The following PLCB1 variants were observed in gnomAD, a reference collection of about 807,000 sequenced individuals.
PLCB1 encodes the protein phospholipase C beta 1, also known as 1-phosphatidylinositol 4,5-bisphosphate phosphodiesterase beta-1.
PLCB1 carries 46 observed loss-of-function variants against 161.8 expected under a neutral mutation model. That is an observed-to-expected ratio of 0.28 (90% CI 0.22 to 0.36). The LOEUF is 0.36. PLCB1 is among the 10% of genes least tolerant of loss of function. The pLI is 1.00. For missense variants in PLCB1, 1,016 were observed against 1,472.5 expected, an observed-to-expected ratio of 0.69 and a Z score of 5.07; for synonymous variants, 517 against 503.7, an observed-to-expected ratio of 1.03 and a Z score of -0.35.
At chr20:8,349,539 G>A (rs924795985) in intron 2 of PLCB1, among the ~76,000 whole-genome samples, 1 of 152,196 alleles carries the variant, frequency 6.6e-6, no homozygotes, top group Non-Finnish European at 1.5e-5. Flanking sequence ...GGTCAAAGGA[G>A]CTGTCTGAAT....
chr20:8,232,716 A>G (rs578003967), intron 2 of PLCB1, among the ~76,000 whole-genome samples: 21 of 152,190 alleles, frequency 1.4e-4, no homozygotes, highest in African/African-American at 5.1e-4. Flanking sequence ...GTGTTACCTG[A>G]TATGTCTTTA....
At chr20:8,524,158 A>G (rs1310855184) in intron 3 of PLCB1, among the ~76,000 whole-genome samples, 1 of 152,234 alleles carries the variant, frequency 6.6e-6, no homozygotes, top group Non-Finnish European at 1.5e-5. Context: ...TTGTTATTAA[A>G]TACATTTACA....
intron 3 of PLCB1, among the ~76,000 whole-genome samples, chr20:8,422,006 T>G (rs1200624711): frequency 6.6e-6 from 1 of 152,224 alleles, no homozygotes; most frequent in Non-Finnish European, 1.5e-5. Flanking sequence ...TACAGGCAAG[T>G]TGTACCTGCA....
chr20:8,783,041 G>T (rs764893296), intron 27 of PLCB1, among the ~76,000 whole-genome samples: 1 of 152,182 alleles, frequency 6.6e-6, no homozygotes, highest in African/African-American at 2.4e-5. Context: ...GAGAACAAGC[G>T]TGAAGTTTTA....
At chr20:8,859,991 G>A (rs1987200438) in intron 31 of PLCB1, among the ~76,000 whole-genome samples, 1 of 152,112 alleles carries the variant, frequency 6.6e-6, no homozygotes, top group Admixed American at 6.5e-5. Context: ...TGGGCTTTTT[G>A]TTAAAGCCTG....
chr20:8,342,949 C>A (rs1006494159), intron 2 of PLCB1, among the ~76,000 whole-genome samples: 5 of 152,090 alleles, frequency 3.3e-5, no homozygotes, highest in African/African-American at 1.2e-4. Flanking sequence ...CCAATAAATC[C>A]CATCCACATG....
chr20:8,860,858 A>G (rs1440949510), intron 31 of PLCB1, among the ~76,000 whole-genome samples: 4 of 152,136 alleles, frequency 2.6e-5, no homozygotes, highest in African/African-American at 7.2e-5. Flanking sequence ...AGTAATTTCA[A>G]TCAGTTTTTT....
intron 2 of PLCB1, among the ~76,000 whole-genome samples, chr20:8,241,350 G>C (rs139438743): frequency 0.018 from 2,770 of 151,994 alleles, 82 homozygotes; most frequent in African/African-American, 0.063. Flanking sequence ...TCCTGGCTAA[G>C]CATTTGGTTA....
chr20:8,620,747 C>CAAAAAAAAAAAA (rs779029928), intron 3 of PLCB1, among the ~76,000 whole-genome samples: 1 of 75,240 alleles, frequency 1.3e-5, no homozygotes, highest in Non-Finnish European at 2.6e-5. Flanking sequence ...CTGCCCCCAC[C>CAAAAAAAAAAAA]AAAAAAAAAA....
chr20:8,623,902 A>G (rs1427651768), intron 3 of PLCB1: 1 of 152,208 alleles, frequency 6.6e-6, no homozygotes, highest in African/African-American at 2.4e-5. Flanking sequence ...TATAAAAGAA[A>G]GAAACCTTGA....
At chr20:8,605,614 T>C (rs575933903) in intron 3 of PLCB1, among the ~76,000 whole-genome samples, 17 of 150,916 alleles carry the variant, frequency 1.1e-4, no homozygotes, top group East Asian at 1.9e-4. Flanking sequence ...TGTTTTCTTT[T>C]TTTTTTTTTT....
At chr20:8,564,393 C>G (rs1156430064) in intron 3 of PLCB1, among the ~76,000 whole-genome samples, 1 of 152,094 alleles carries the variant, frequency 6.6e-6, no homozygotes, top group South Asian at 2.1e-4. Context: ...TAGAAGAAAA[C>G]CTAGGCAATA....
chr20:8,528,433 A>G lies in PLCB1; in HGVS notation c.247-99861A>G, dbSNP rs536995982. ...GCCAGACACAAAAGTTATTCCATTC[A>G]TAACAGGTTACATTCTAAGTTATTC... On this transcript the variant is annotated intron_variant, in intron 3 of 31. Transcript: ENST00000338037. 2.0e-5 allele frequency among the ~76,000 whole-genome samples: 3 copies of G among 152,226 alleles called. No individual in the cohort carries two copies. In the East Asian group the frequency reaches 5.8e-4, roughly 29 times the overall value.
chr20:8,441,307 G>A (rs1402701948), intron 3 of PLCB1, among the ~76,000 whole-genome samples: 1 of 152,094 alleles, frequency 6.6e-6, no homozygotes, highest in Non-Finnish European at 1.5e-5. Flanking sequence ...ACCATAATAG[G>A]ATACTTACAG....
At chr20:8,649,270 T>G in intron 6 of PLCB1, 104 bp from the exon 7 acceptor site, 3 of 702,736 alleles carry the variant, frequency 4.3e-6, no homozygotes, top group Non-Finnish European at 7.6e-6. Context: ...ATATGAATAA[T>G]AAATAGATTT....
intron 31 of PLCB1, among the ~76,000 whole-genome samples, chr20:8,879,974 A>G (rs1987913923): frequency 6.6e-6 from 1 of 152,182 alleles, no homozygotes; most frequent in African/African-American, 2.4e-5. Flanking sequence ...AAAGCAGATT[A>G]ACCACCTTGG....
At chr20:8,641,307 A>T (rs1260747706) in intron 4 of PLCB1, among the ~76,000 whole-genome samples, 1 of 152,252 alleles carries the variant, frequency 6.6e-6, no homozygotes. Context: ...ATTGAAACTT[A>T]TAACAATAGA....
intron 3 of PLCB1, among the ~76,000 whole-genome samples, chr20:8,426,321 G>A (rs1979769502): frequency 6.6e-6 from 1 of 152,142 alleles, no homozygotes; most frequent in South Asian, 2.1e-4. Context: ...TGGTATTTCA[G>A]AGAATAGGAA....
chr20:8,352,987 G>T (rs1986230704), intron 2 of PLCB1, among the ~76,000 whole-genome samples: 1 of 152,066 alleles, frequency 6.6e-6, no homozygotes, highest in East Asian at 1.9e-4. Flanking sequence ...TTCCAAACTG[G>T]GTTCTTGAAG....
Sources: gnomAD v4.1 joint callset for allele counts (sites outside exome capture counted in the v4.1 genomes callset) on GRCh38, gnomAD v4.1.1 for gene constraint, MANE v1.5 for transcripts, NCBI Gene and HGNC (gene_info 2026-07-23, HGNC 2026-07-21) for gene names.